Variants in PTBP3 observed in about 807,000 individuals in gnomAD.
PTBP3 encodes polypyrimidine tract binding protein 3.
Under a neutral mutation model 58.7 loss-of-function variants are expected in PTBP3, and 20 were observed. That is an observed-to-expected ratio of 0.34 (90% CI 0.24 to 0.50). The LOEUF (loss-of-function observed/expected upper bound fraction) is 0.50, where lower values mean the gene tolerates loss of function less well. PTBP3 is among the 20% of genes least tolerant of loss of function. The pLI is 0.98. For synonymous variants in PTBP3, 185 were observed against 219.8 expected (o/e 0.84, Z 1.40); for missense variants, 509 against 637.2 (o/e 0.80, Z 2.17).
intron 3 of PTBP3, among the ~76,000 whole-genome samples, chr9:112,268,982 G>C (rs1246641368): frequency 6.6e-6 from 1 of 151,956 alleles, no homozygotes; most frequent in Non-Finnish European, 1.5e-5. Context: ...GATCACCCGA[G>C]GTCAGGAGTT....
At chr9:112,366,135 T>C in the PTBP3 span, among the ~76,000 whole-genome samples, 1 of 151,682 alleles carries the variant, frequency 6.6e-6, no homozygotes, top group Non-Finnish European at 1.5e-5. Flanking sequence ...ATACAAAAAT[T>C]AGCTGGGTGT....
Position 112,250,991 on chromosome 9 carries a change from C to A in PTBP3, c.740G>T (p.Arg247Leu). ...YNNDKSRDFT[R>L]LDLPTGDGQP... Reference sequence around the variant, plus strand: ...GCCATCACCAGTAGGAAGGTCTAAGCGAGTGAAGTCTCTGCTTTTGTCATT... The same window carrying A: ...GCCATCACCAGTAGGAAGGTCTAAGAGAGTGAAGTCTCTGCTTTTGTCATT... Residue 247 changes from arginine to leucine, a missense_variant, in exon 7 of 14, where the codon CGC (arginine) becomes CTC (leucine). By Grantham distance (102) the Arg-to-Leu change is moderately radical. Around this residue, in one of 4 missense-constraint regions of PTBP3, gnomAD observed 121 missense variants for 114.8 expected, o/e 1.05. Transcript: ENST00000374257. 3.1e-6 allele frequency: 5 copies of A among 1,612,176 alleles called. No individual in the cohort carries two copies. Among genetic ancestry groups the A allele is most frequent in the Non-Finnish European group, 4.2e-6 (5 of 1,179,034 alleles).
At position 112,222,642 on chromosome 9, in the gene PTBP3, TA is replaced by T; in HGVS notation, c.*1208del. On this transcript the variant is annotated 3_prime_UTR_variant, in exon 14 of 14. Coordinates refer to ENST00000374257, the MANE Select transcript of PTBP3 (RefSeq NM_001163788.4). ...GCACCAAAAATTTGATAAAAACTAT[TA>T]CTTATTGAAAACCACTTAAAATTGC... 1.0e-6 allele frequency: 1 copy of T among 985,366 alleles called. No individual in the cohort carries two copies. The highest frequency in any genetic ancestry group is 1.2e-6 in the Non-Finnish European group (1 of 829,874). The allele number at this position is 985,366 out of a possible 1,614,324, so 61.0% of individuals were successfully genotyped here.
At chr9:112,282,030 G>A (rs1387649161) in intron 2 of PTBP3, among the ~76,000 whole-genome samples, 1 of 152,136 alleles carries the variant, frequency 6.6e-6, no homozygotes, top group East Asian at 1.9e-4. Flanking sequence ...GAGAGGACAT[G>A]CAAGCAAGCT....
At chr9:112,281,669 AAGCCAT>A (rs2132234999) in intron 2 of PTBP3, among the ~76,000 whole-genome samples, 1 of 152,286 alleles carries the variant, frequency 6.6e-6, no homozygotes, top group Admixed American at 6.5e-5. Context: ...TTCATCAATA[AAGCCAT>A]ATGGGACTGT....
intron 2 of PTBP3, among the ~76,000 whole-genome samples, chr9:112,279,969 T>C (rs780987666): frequency 6.6e-6 from 1 of 152,230 alleles, no homozygotes; most frequent in Non-Finnish European, 1.5e-5. Flanking sequence ...ACAACTGACT[T>C]TGATATCTTG....
chr9:112,220,727 T>G lies in PTBP3; in HGVS notation c.*3124A>C, dbSNP rs900743593. On this transcript the variant is annotated 3_prime_UTR_variant, in exon 14 of 14. Coordinates refer to ENST00000374257, the MANE Select transcript of PTBP3 (RefSeq NM_001163788.4). ...TTACACAAAACACATTTTACTGCTA[T>G]GCAAATTATTCAAATCTCAAAGTAA... The G allele has an allele frequency of 1.7e-5, 17 of 983,574 alleles. No homozygotes were observed. Among genetic ancestry groups the G allele is most frequent in the Non-Finnish European group, 2.1e-5 (17 of 828,176 alleles). The allele number at this position is 983,574 out of a possible 1,614,324, so 60.9% of individuals were successfully genotyped here. A position where few individuals can be genotyped will look rare whatever the true frequency, so the allele number is the denominator to read the frequency against.
At chr9:112,332,681 A>G (rs1830423733) in intron 1 of PTBP3, 1 of 1,408,234 alleles carries the variant, frequency 7.1e-7, no homozygotes, top group Non-Finnish European at 9.7e-7. Flanking sequence ...AACAGTTTAT[A>G]TACATAGACT....
rs1834758093 is a variant in PTBP3 at position 112,220,256 on chromosome 9, T to C, written c.*3595A>G. 1 of 1,343,690 alleles carries C rather than the reference T, an allele frequency of 7.4e-7. No individual in the cohort carries two copies. The highest frequency in any genetic ancestry group is 2.0e-5 in the Admixed American group (1 of 51,210). 83.2% of individuals were successfully genotyped at this position (1,343,690 alleles called of 1,614,324 possible). A position where few individuals can be genotyped will look rare whatever the true frequency, so the allele number is the denominator to read the frequency against. On this transcript the variant is annotated 3_prime_UTR_variant, in exon 14 of 14. Transcript: ENST00000374257. ...TAAACATGTAAGCACTGCTGACTGA[T>C]GGCACGGAGACACTGAAAAGAACAG...
intron 1 of PTBP3, among the ~76,000 whole-genome samples, chr9:112,310,966 T>C (rs574478728): frequency 1.3e-5 from 2 of 152,360 alleles, no homozygotes; most frequent in South Asian, 2.1e-4. Flanking sequence ...AGGTGTGTCA[T>C]AGCATGCAGG....
the PTBP3 span, among the ~76,000 whole-genome samples, chr9:112,371,881 GCAC>G: frequency 6.6e-6 from 1 of 151,968 alleles, no homozygotes; most frequent in East Asian, 1.9e-4. Flanking sequence ...TCACAGGCAT[GCAC>G]CACCACATCT....
chr9:112,286,407 T>C (rs1260397472), intron 2 of PTBP3, among the ~76,000 whole-genome samples: 2 of 152,240 alleles, frequency 1.3e-5, no homozygotes, highest in Non-Finnish European at 2.9e-5. Context: ...CCTTTGGATT[T>C]TATTTTTTGG....
At chr9:112,275,386 C>T (rs913905084) in intron 3 of PTBP3, among the ~76,000 whole-genome samples, 20 of 152,124 alleles carry the variant, frequency 1.3e-4, no homozygotes, top group African/African-American at 4.3e-4. Context: ...CCGCCCACCT[C>T]GGCCTCCCAA....
the PTBP3 span, among the ~76,000 whole-genome samples, chr9:112,340,870 C>CT: frequency 8.4e-6 from 1 of 119,426 alleles, no homozygotes; most frequent in South Asian, 3.0e-4. Context: ...GAGCGAAACT[C>CT]TGTCTCAAAA....
rs1280576769 is a variant in PTBP3, at chr9:112,222,390, G to C, written c.*1461C>G. 7.1e-6 allele frequency: 7 copies of C among 985,544 alleles called. No homozygotes were observed. Among genetic ancestry groups the C allele is most frequent in the Middle Eastern group, 1.0e-3 (2 of 1,936 alleles). 61.0% of individuals were successfully genotyped at this position (985,544 alleles called of 1,614,324 possible). A position where few individuals can be genotyped will look rare whatever the true frequency, so the allele number is the denominator to read the frequency against. On this transcript the variant is annotated 3_prime_UTR_variant, in exon 14 of 14. Transcript: ENST00000374257. The stretch of plus-strand genomic sequence containing the variant: ...TCCAAATACGTGGGTACTCAGTAAT[G>C]AAAGTCACATTAACAAAGAAAAGCA...
At chr9:112,230,558 T>A (rs1279922631) in intron 10 of PTBP3, among the ~76,000 whole-genome samples, 6 of 152,140 alleles carry the variant, frequency 3.9e-5, no homozygotes, top group African/African-American at 9.7e-5. Context: ...ACAGCAACAA[T>A]GAAACCCCTG....
At chr9:112,270,221 C>T (rs1352959788) in intron 3 of PTBP3, among the ~76,000 whole-genome samples, 2 of 152,148 alleles carry the variant, frequency 1.3e-5, no homozygotes, top group African/African-American at 2.4e-5. Flanking sequence ...GGATTACAGG[C>T]GTCACCAAAT....
intron 1 of PTBP3, among the ~76,000 whole-genome samples, chr9:112,323,237 A>G (rs1397301180): frequency 3.3e-5 from 5 of 152,160 alleles, no homozygotes; most frequent in African/African-American, 7.2e-5. Context: ...TGGGAAACAG[A>G]GCAAAATCCT....
At chr9:112,265,481 C>T (rs902109954) in intron 4 of PTBP3, among the ~76,000 whole-genome samples, 2 of 151,894 alleles carry the variant, frequency 1.3e-5, no homozygotes, top group Admixed American at 6.6e-5. Flanking sequence ...CGAGATAGTG[C>T]CACTTCACTC....
Sources: allele counts gnomAD v4.1 joint callset (sites outside exome capture counted in the v4.1 genomes callset), GRCh38; gene constraint gnomAD v4.1.1; regional missense constraint gnomAD v4.1.1; transcripts MANE v1.5; gene names NCBI Gene and HGNC (gene_info 2026-07-23, HGNC 2026-07-21).